Variants in PIR observed in about 807,000 individuals in gnomAD.
The protein encoded by PIR is pirin (iron-binding nuclear protein).
A neutral mutation model predicts 24.2 loss-of-function variants in PIR; 22 were observed. The observed-to-expected ratio is 0.91, with a 90% confidence interval of 0.65 to 1.30. The LOEUF is 1.30. PIR is among the 50% of genes most tolerant of loss of function. PIR has a pLI of 0.00. For missense variants in PIR, 220 were observed against 220.3 expected (o/e 1.00, Z 0.01); for synonymous variants, 80 against 79.6 (o/e 1.00, Z -0.03).
chrX:15,397,542 A>T lies in PIR; in HGVS notation c.611-11T>A, dbSNP rs773986824. 5.2e-6 allele frequency: 6 copies of T among 1,143,278 alleles called. No homozygotes were observed. Among genetic ancestry groups the T allele is most frequent in the Admixed American group, 4.4e-5 (2 of 45,674 alleles). 94.2% of individuals were successfully genotyped at this position (1,143,278 alleles called of 1,213,427 possible). On this transcript the variant is annotated splice_polypyrimidine_tract_variant and intron_variant, in intron 7 of 9. Coordinates refer to ENST00000380420, the MANE Select transcript of PIR (RefSeq NM_001018109.3). ...GTGCATCATCGGGCCCTACAAAACC[A>T]ATGACACACTAATTTAATACCCATT...
intron 6 of PIR, among the ~76,000 whole-genome samples, chrX:15,424,338 G>A (rs1304620241): frequency 1.8e-5 from 2 of 112,050 alleles, no homozygotes; most frequent in Non-Finnish European, 3.8e-5. Context: ...TCTTACATGG[G>A]AGTAAAAAAG....
intron 2 of PIR, among the ~76,000 whole-genome samples, chrX:15,484,883 G>A (rs181103741): frequency 4.8e-4 from 54 of 111,736 alleles, no homozygotes; most frequent in Middle Eastern, 4.6e-3. Flanking sequence ...TCCTCTTGAT[G>A]GCATATAGTA....
intron 3 of PIR, among the ~76,000 whole-genome samples, chrX:15,460,172 G>C (rs758566486): frequency 9.0e-6 from 1 of 111,539 alleles, no homozygotes; most frequent in South Asian, 3.8e-4. Flanking sequence ...AGGCATTATG[G>C]AAAAGAATAT....
intron 9 of PIR, among the ~76,000 whole-genome samples, chrX:15,387,785 T>A (rs1251671257): frequency 4.5e-5 from 5 of 111,630 alleles, no homozygotes; most frequent in Non-Finnish European, 9.4e-5. Flanking sequence ...GGCTTCCATT[T>A]TGACACTTTC....
At chrX:15,409,168 C>G (rs949790901) in intron 6 of PIR, among the ~76,000 whole-genome samples, 1 of 102,844 alleles carries the variant, frequency 9.7e-6, no homozygotes, top group African/African-American at 3.6e-5. Context: ...GTGCGATCTC[C>G]GCTCACTGCA....
chrX:15,458,232 T>C (rs1921159151), intron 4 of PIR, among the ~76,000 whole-genome samples: 1 of 111,966 alleles, frequency 8.9e-6, no homozygotes, highest in African/African-American at 3.2e-5. Context: ...AAGGGGAGAA[T>C]GGGGTTCTCT....
chrX:15,429,856 A>G (rs758139611), intron 5 of PIR: 14 of 110,003 alleles, frequency 1.3e-4, no homozygotes, highest in African/African-American at 4.0e-4. Flanking sequence ...ACTCTGTCTC[A>G]AGGGAAAAAA....
intron 7 of PIR, among the ~76,000 whole-genome samples, chrX:15,399,325 T>G (rs1924300886): frequency 8.9e-6 from 1 of 112,599 alleles, no homozygotes; most frequent in Admixed American, 9.4e-5. Flanking sequence ...TTGGACATAT[T>G]TGTTGGAGTC....
At chrX:15,488,524 T>C (rs1922992598) in intron 2 of PIR, among the ~76,000 whole-genome samples, 1 of 111,198 alleles carries the variant, frequency 9.0e-6, no homozygotes, top group Admixed American at 9.6e-5. Flanking sequence ...AAAATGATGT[T>C]TATGAAGAAT....
chrX:15,421,793 T>G (rs1925140520), intron 6 of PIR, among the ~76,000 whole-genome samples: 1 of 111,224 alleles, frequency 9.0e-6, no homozygotes, highest in African/African-American at 3.3e-5. Context: ...ATTTATCCTA[T>G]GAGGCCAGCA....
chrX:15,401,293 G>T (rs1437065142), intron 7 of PIR, among the ~76,000 whole-genome samples: 1 of 107,718 alleles, frequency 9.3e-6, no homozygotes, highest in Non-Finnish European at 1.9e-5. Flanking sequence ...CTAGGCTCAA[G>T]CAATCCTCCC....
At chrX:15,426,765 CTG>C (rs1925330910) in intron 5 of PIR, among the ~76,000 whole-genome samples, 1 of 112,114 alleles carries the variant, frequency 8.9e-6, no homozygotes, top group African/African-American at 3.2e-5. Flanking sequence ...TGTGTAGTAA[CTG>C]TAATTTTCAT....
intron 2 of PIR, among the ~76,000 whole-genome samples, chrX:15,487,334 T>C (rs1327598891): frequency 2.5e-5 from 2 of 80,588 alleles, no homozygotes; most frequent in Non-Finnish European, 5.0e-5. Context: ...AATGAGATTG[T>C]AGTTTTTTTT....
intron 6 of PIR, among the ~76,000 whole-genome samples, chrX:15,417,689 T>C (rs145105794): frequency 9.0e-6 from 1 of 111,659 alleles, no homozygotes; most frequent in Non-Finnish European, 1.9e-5. Flanking sequence ...AGGGGGACAT[T>C]TGTTTTCTTG....
At chrX:15,394,498 C>A (rs1924061816) in intron 8 of PIR, among the ~76,000 whole-genome samples, 1 of 111,867 alleles carries the variant, frequency 8.9e-6, no homozygotes, top group Non-Finnish European at 1.9e-5. Flanking sequence ...TATTGATTGT[C>A]TTCCTTGGTC....
intron 6 of PIR, among the ~76,000 whole-genome samples, chrX:15,410,002 C>G (rs1924685699): frequency 9.0e-6 from 1 of 110,796 alleles, no homozygotes; most frequent in African/African-American, 3.3e-5. Context: ...CCTGTAATCC[C>G]AGCACTTCGG....
rs1923248814 is a variant in PIR, at chrX:15,493,159, G to A, written c.-53+31C>T. On this transcript the variant is annotated intron_variant, in intron 1 of 9. Transcript: ENST00000380420. Reference sequence around the variant, plus strand: ...CTGACCGCCAGCATTCCCTCACCTAGTGGACCCCTGCAGGAGCCCCAGGTA... The same window carrying A: ...CTGACCGCCAGCATTCCCTCACCTAATGGACCCCTGCAGGAGCCCCAGGTA... The A allele has an allele frequency of 4.4e-5, 5 of 113,124 alleles. No individual in the cohort carries two copies. The South Asian group carries it at 1.8e-3, about 41-fold the overall frequency. The allele number at this position is 113,124 out of a possible 1,213,427, so 9.3% of individuals were successfully genotyped here.
At chrX:15,428,051 T>G (rs1925380126) in intron 5 of PIR, among the ~76,000 whole-genome samples, 1 of 111,699 alleles carries the variant, frequency 9.0e-6, no homozygotes, top group Non-Finnish European at 1.9e-5. Flanking sequence ...AATTGAAGCT[T>G]TGGGGTTTAA....
intron 2 of PIR, among the ~76,000 whole-genome samples, chrX:15,481,223 A>G (rs893518855): frequency 8.9e-6 from 1 of 112,651 alleles, no homozygotes; most frequent in East Asian, 2.8e-4. Flanking sequence ...AGAACTATTA[A>G]GTGCACATTA....
Sources: gnomAD v4.1 joint callset for allele counts (sites outside exome capture counted in the v4.1 genomes callset) on GRCh38, gnomAD v4.1.1 for gene constraint, MANE v1.5 for transcripts, NCBI Gene and HGNC (gene_info 2026-07-23, HGNC 2026-07-21) for gene names.